NCAPH: variants seen among roughly 807,000 people sequenced by gnomAD.
NCAPH encodes the protein non-SMC condensin I complex subunit H, also known as condensin complex subunit 2.
In NCAPH, 38 loss-of-function variants were observed where a neutral mutation model predicts 85.5. The ratio of observed to expected loss-of-function variants is 0.44; its 90% confidence interval spans 0.34 to 0.58. The LOEUF is 0.58. Ranked by LOEUF, NCAPH falls within the 20% of genes least tolerant of loss-of-function variation. The probability of loss-of-function intolerance (pLI) is 0.01; values close to 1 mark genes in which losing one functional copy is unlikely to be tolerated. For missense variants in NCAPH, 789 were observed against 916.6 expected (o/e 0.86, Z 1.80); for synonymous variants, 301 against 335.1 (o/e 0.90, Z 1.11).
At position 96,374,391 on chromosome 2, in the gene NCAPH, A is replaced by C. The variant is rs1004966872; in HGVS notation, c.*1040A>C. On this transcript the variant is annotated 3_prime_UTR_variant, in exon 18 of 18. Transcript: ENST00000240423. The stretch of plus-strand genomic sequence containing the variant: ...CAAGTTCTTCCCCTAACCTCAGAGG[A>C]ATAGGGGAATTAACTTTGCTTGCAA... Among the ~76,000 whole-genome samples the C allele has an allele frequency of 6.6e-6, 1 of 152,178 alleles. No individual in the cohort carries two copies. The highest frequency in any genetic ancestry group is 1.5e-5 in the Non-Finnish European group (1 of 68,030).
rs545130303 is a variant in NCAPH, at chr2:96,354,491, T to C, written c.1208+103T>C. 1.1e-3 allele frequency: 1,129 copies of C among 997,020 alleles called. 2 individuals carry two copies. Among genetic ancestry groups the C allele is most frequent in the Middle Eastern group, 5.3e-3 (15 of 2,838 alleles). 61.8% of individuals were successfully genotyped at this position (997,020 alleles called of 1,614,324 possible). On this transcript the variant is annotated intron_variant, in intron 9 of 17. Coordinates refer to ENST00000240423, the MANE Select transcript of NCAPH (RefSeq NM_015341.5). Reference sequence around the variant, plus strand: ...TAAAAAATTTTTCTTTCTTTTTTTTTCCCCCCCCAAAAATAGAGACGGGCA... The same window carrying C: ...TAAAAAATTTTTCTTTCTTTTTTTTCCCCCCCCCAAAAATAGAGACGGGCA...
chr2:96,342,788 CTTGA>C lies in NCAPH; in HGVS notation c.403_406del (p.Asp135LeufsTer58). 1 of 1,612,872 alleles carries C rather than the reference CTTGA, an allele frequency of 6.2e-7. No homozygotes were observed. The highest frequency in any genetic ancestry group is 1.1e-5 in the South Asian group (1 of 90,892). ...CTACCAAGAATGCTTTTGGTTTGCACTTGATTGATTTTATGTCAGAGATTCTTAA... is the reference window on the plus strand; with the variant it reads ...CTACCAAGAATGCTTTTGGTTTGCACTTGATTTTATGTCAGAGATTCTTAA... On this transcript the variant is annotated frameshift_variant, in exon 4 of 18. Coordinates refer to ENST00000240423, the MANE Select transcript of NCAPH (RefSeq NM_015341.5). LOFTEE classifies it high-confidence loss of function.
At chr2:96,341,463 C>T (rs1203674078) in intron 1 of NCAPH, 179 bp from the exon 2 acceptor site, 14 of 717,048 alleles carry the variant, frequency 2.0e-5, no homozygotes, top group Non-Finnish European at 3.2e-5. Flanking sequence ...AACCTATGGC[C>T]TCCCCCCTGC....
rs751384557 is a variant in NCAPH at position 96,373,328 on chromosome 2, G to A, written c.2203G>A (p.Val735Ile). The change falls in exon 18 of 18, where the codon GTT becomes ATT. Residue 735 changes from valine to isoleucine, a missense_variant. Coordinates refer to ENST00000240423, the MANE Select transcript of NCAPH (RefSeq NM_015341.5). ...KLEGTEDLSD[V>I]LVRQGD ...GGAAGGAACAGAGGACCTCTCTGAT[G>A]TTCTTGTGAGGCAAGGAGATTGAGT... is the stretch of plus-strand genomic sequence containing the variant. 6.2e-7 allele frequency: 1 copy of A among 1,614,000 alleles called. No individual in the cohort carries two copies. The highest frequency in any genetic ancestry group is 2.2e-5 in the East Asian group (1 of 44,880).
intron 1 of NCAPH, among the ~76,000 whole-genome samples, 189 bp downstream of exon 1, chr2:96,336,037 G>T (rs1262993278): frequency 6.6e-6 from 1 of 152,088 alleles, no homozygotes; most frequent in Non-Finnish European, 1.5e-5. Flanking sequence ...CGGACCTTGT[G>T]CGCTCAGCCA....
intron 9 of NCAPH, among the ~76,000 whole-genome samples, chr2:96,358,418 T>C (rs1401493886): frequency 6.6e-6 from 1 of 152,080 alleles, no homozygotes; most frequent in East Asian, 1.9e-4. Flanking sequence ...AAGGGACTTG[T>C]GTCCAGCTCC....
At chr2:96,355,618 G>A (rs1401663004) in intron 9 of NCAPH, among the ~76,000 whole-genome samples, 2 of 151,166 alleles carry the variant, frequency 1.3e-5, no homozygotes, top group Non-Finnish European at 3.0e-5. Flanking sequence ...CATTCTCATC[G>A]TGTCTTTTTT....
chr2:96,373,402 C>T lies in NCAPH; in HGVS notation c.*51C>T, dbSNP rs374259005. On this transcript the variant is annotated 3_prime_UTR_variant, in exon 18 of 18. Transcript: ENST00000240423. ...GGAGGCCCATCCCTTACTCAGTTGC[C>T]GGGACATCCCCAGTCTCGGGGGAAG... is the stretch of plus-strand genomic sequence containing the variant. The T allele has an allele frequency of 4.0e-4, 620 of 1,546,576 alleles. 1 individual carries two copies. The highest frequency in any genetic ancestry group is 3.2e-3 in the Middle Eastern group (19 of 5,936).
At chr2:96,344,273 CCTTAGGGG>C in intron 6 of NCAPH, 44 bp downstream of exon 6, 1 of 1,555,192 alleles carries the variant, frequency 6.4e-7, no homozygotes, top group Non-Finnish European at 8.7e-7. Context: ...TAATTCAGAA[CCTTAGGGG>C]CTGAGACTTG....
intron 10 of NCAPH, 46 bp from the exon 11 acceptor site, chr2:96,360,097 T>A: frequency 5.5e-6 from 6 of 1,092,634 alleles, no homozygotes; most frequent in Non-Finnish European, 8.4e-6. Context: ...GAGTAAATAG[T>A]TTAGGCCACA....
chr2:96,353,969 A>C (rs2064485177), intron 8 of NCAPH, among the ~76,000 whole-genome samples: 1 of 152,214 alleles, frequency 6.6e-6, no homozygotes, highest in Non-Finnish European at 1.5e-5. Context: ...ACAACAATGC[A>C]GCTTCCTCCT....
At chr2:96,346,368 T>G (rs2064361260) in intron 6 of NCAPH, among the ~76,000 whole-genome samples, 1 of 151,842 alleles carries the variant, frequency 6.6e-6, no homozygotes, top group African/African-American at 2.4e-5. Flanking sequence ...TACTTGAGGG[T>G]GGTGGCAGAT....
intron 13 of NCAPH, among the ~76,000 whole-genome samples, chr2:96,365,264 C>T (rs1458019328): frequency 1.3e-5 from 2 of 152,116 alleles, no homozygotes; most frequent in Non-Finnish European, 2.9e-5. Context: ...TATTTTCTTA[C>T]TTAGGAAGAG....
chr2:96,346,646 G>A (rs190009007), intron 6 of NCAPH, among the ~76,000 whole-genome samples: 186 of 152,258 alleles, frequency 1.2e-3, no homozygotes, highest in African/African-American at 4.4e-3. Flanking sequence ...TGTAGGCCTG[G>A]TGGGGTCAAA....
chr2:96,370,992 G>T (rs2064765502), intron 17 of NCAPH, among the ~76,000 whole-genome samples: 1 of 152,168 alleles, frequency 6.6e-6, no homozygotes. Flanking sequence ...ACATGCCCGT[G>T]GTTATGGGAG....
At chr2:96,344,884 C>G (rs1363569225) in intron 6 of NCAPH, among the ~76,000 whole-genome samples, 1 of 152,176 alleles carries the variant, frequency 6.6e-6, no homozygotes, top group Non-Finnish European at 1.5e-5. Context: ...TACATATTAT[C>G]TTTGCACTCG....
At chr2:96,372,568 G>A (rs537438194) in intron 17 of NCAPH, among the ~76,000 whole-genome samples, 2 of 152,210 alleles carry the variant, frequency 1.3e-5, no homozygotes, top group African/African-American at 4.8e-5. Flanking sequence ...GTGATGAAAT[G>A]TCACCATGTC....
chr2:96,356,499 A>G (rs774086827), intron 9 of NCAPH, among the ~76,000 whole-genome samples: 1 of 152,232 alleles, frequency 6.6e-6, no homozygotes, highest in Non-Finnish European at 1.5e-5. Flanking sequence ...CATAATTTAC[A>G]TAATATCTAA....
chr2:96,343,073 CAAGTA>C, intron 4 of NCAPH, 88 bp from the exon 5 acceptor site: 1 of 1,523,522 alleles, frequency 6.6e-7, no homozygotes, highest in South Asian at 1.3e-5. Context: ...TTCCTTGGGG[CAAGTA>C]AATATTTTGT....
Sources: allele counts gnomAD v4.1 joint callset (sites outside exome capture counted in the v4.1 genomes callset), GRCh38; gene constraint gnomAD v4.1.1; transcripts MANE v1.5; gene names NCBI Gene and HGNC (gene_info 2026-07-23, HGNC 2026-07-21).